SLIT2: variants seen among roughly 807,000 people sequenced by gnomAD.
The protein encoded by SLIT2 is slit guidance ligand 2.
Under a neutral mutation model 185.7 loss-of-function variants are expected in SLIT2, and 41 were observed. The ratio of observed to expected loss-of-function variants is 0.22; its 90% CI spans 0.17 to 0.29. The LOEUF is 0.29. Ranked by LOEUF, SLIT2 falls within the 10% of genes least tolerant of loss-of-function variation. The pLI is 1.00. For missense variants in SLIT2, 1,571 were observed against 1,909.0 expected (o/e 0.82, Z 3.30); for synonymous variants, 693 against 680.2 (o/e 1.02, Z -0.29).
intron 4 of SLIT2, among the ~76,000 whole-genome samples, chr4:20,404,397 T>G (rs141593092): frequency 2.5e-4 from 38 of 152,076 alleles, no homozygotes; most frequent in Admixed American, 6.6e-4. Flanking sequence ...CTGATTCACA[T>G]CTCTGCTCTA....
chr4:20,568,959 G>T lies in SLIT2; in HGVS notation c.3043G>T (p.Asp1015Tyr). The change falls in exon 29 of 37, where the codon GAT (aspartate) becomes TAT (tyrosine). Residue 1015 changes from aspartate (D) to tyrosine (Y), a missense_variant. Around this residue, in one of 3 missense-constraint regions of SLIT2, gnomAD observed 1,202 missense variants for 1,416.4 expected, o/e 0.85. Coordinates refer to ENST00000504154, the MANE Select transcript of SLIT2 (RefSeq NM_004787.4). ...CTGTGAAAATAATTCTACATGTGTC[G>T]ATGGCATTAATAACTACACATGCCT... The part of the protein sequence containing the change: ...NDCENNSTCV[D>Y]GINNYTCLCP... The T allele has an allele frequency of 6.2e-7, 1 of 1,612,290 alleles. No individual in the cohort carries two copies. Among genetic ancestry groups the T allele is most frequent in the Non-Finnish European group, 8.5e-7 (1 of 1,178,682 alleles).
intron 4 of SLIT2, among the ~76,000 whole-genome samples, chr4:20,338,199 A>G (rs1720666029): frequency 1.3e-5 from 2 of 152,098 alleles, no homozygotes; most frequent in Admixed American, 1.3e-4. Flanking sequence ...TCTTATAAGG[A>G]TTTCTCTTCC....
rs1430445550 is a variant in SLIT2, at chr4:20,518,243, A to ATG, written c.1059-1138_1059-1137insGT. Among the ~76,000 whole-genome samples, 799 of 101,898 alleles carry ATG rather than the reference A, an allele frequency of 7.8e-3. 13 individuals are homozygous for ATG. Among genetic ancestry groups the ATG allele is most frequent in the African/African-American group, 0.011 (319 of 28,630 alleles). The allele number at this position is 101,898 out of a possible 152,430, so 66.8% of individuals were successfully genotyped here. On this transcript the variant is annotated intron_variant, in intron 11 of 36. Transcript: ENST00000504154. The stretch of plus-strand genomic sequence containing the variant: ...TATACATATATATGTGTGTGTGTAT[A>ATG]TATATATATATATTTTTTTTTTTTT...
chr4:20,470,003 C>T (rs1714801318), intron 5 of SLIT2, among the ~76,000 whole-genome samples: 5 of 152,010 alleles, frequency 3.3e-5, no homozygotes, highest in African/African-American at 1.2e-4. Context: ...GATCCACCCT[C>T]CTCAGCCTCC....
intron 4 of SLIT2, among the ~76,000 whole-genome samples, chr4:20,461,164 C>G (rs569361807): frequency 6.6e-6 from 1 of 152,104 alleles, no homozygotes; most frequent in Non-Finnish European, 1.5e-5. Context: ...AACTCTCCAT[C>G]TCACGGTGAT....
intron 4 of SLIT2, among the ~76,000 whole-genome samples, chr4:20,334,914 G>T (rs201303426): frequency 1.3e-5 from 2 of 152,146 alleles, no homozygotes; most frequent in East Asian, 3.9e-4. Context: ...CTGAAGTAAG[G>T]CTTTTCATAT....
chr4:20,432,205 C>G (rs961267763), intron 4 of SLIT2, among the ~76,000 whole-genome samples: 4 of 152,128 alleles, frequency 2.6e-5, no homozygotes, highest in Non-Finnish European at 5.9e-5. Context: ...TCCCCATCCC[C>G]TAGGACAAAA....
chr4:20,453,498 G>A (rs1231961317), intron 4 of SLIT2, among the ~76,000 whole-genome samples: 1 of 151,960 alleles, frequency 6.6e-6, no homozygotes, highest in African/African-American at 2.4e-5. Context: ...TATGTGTAAG[G>A]CCCTGTGCTT....
intron 29 of SLIT2, among the ~76,000 whole-genome samples, chr4:20,583,367 C>A (rs1726759494): frequency 6.6e-6 from 1 of 152,088 alleles, no homozygotes; most frequent in Admixed American, 6.6e-5. Flanking sequence ...CTGTAAGTAT[C>A]AGGGAAGAGC....
intron 26 of SLIT2, among the ~76,000 whole-genome samples, chr4:20,565,331 G>A (rs986756961): frequency 2.0e-5 from 3 of 151,888 alleles, no homozygotes; most frequent in Non-Finnish European, 4.4e-5. Flanking sequence ...TCCATCCTAC[G>A]CCTTTGTTCT....
chr4:20,363,074 A>T (rs1722864231), intron 4 of SLIT2, among the ~76,000 whole-genome samples: 1 of 152,140 alleles, frequency 6.6e-6, no homozygotes, highest in African/African-American at 2.4e-5. Flanking sequence ...AACAGTAAAT[A>T]CTAGAACTGG....
At chr4:20,584,634 A>C (rs1410137968) in intron 29 of SLIT2, among the ~76,000 whole-genome samples, 1 of 152,254 alleles carries the variant, frequency 6.6e-6, no homozygotes, top group East Asian at 1.9e-4. Flanking sequence ...CTGAAAAATC[A>C]TTCCCATTTA....
At chr4:20,407,508 A>G (rs1177665418) in intron 4 of SLIT2, among the ~76,000 whole-genome samples, 1 of 152,168 alleles carries the variant, frequency 6.6e-6, no homozygotes, top group Non-Finnish European at 1.5e-5. Flanking sequence ...TGGCCCTGCC[A>G]TCTCTTCGAC....
At position 20,381,258 on chromosome 4, in the gene SLIT2, TA is replaced by T. The variant is rs201302554; in HGVS notation, c.396-86485del. On this transcript the variant is annotated intron_variant, in intron 4 of 36. Coordinates refer to ENST00000504154, the MANE Select transcript of SLIT2 (RefSeq NM_004787.4). ...ACAGGTGAAACTCCATCTCAAAAAA[TA>T]AAAAAAAACAAATAAAATTGCTGAA... Among the ~76,000 whole-genome samples the T allele has an allele frequency of 5.8e-4, 87 of 149,258 alleles. No homozygotes were observed. The South Asian group carries it at 0.015, about 25-fold the overall frequency.
At chr4:20,540,529 A>G (rs1722715054) in intron 19 of SLIT2, among the ~76,000 whole-genome samples, 1 of 152,130 alleles carries the variant, frequency 6.6e-6, no homozygotes, top group African/African-American at 2.4e-5. Context: ...TAAAAGTAAA[A>G]AAAGCCACAC....
chr4:20,552,736 A>C (rs1723882763), intron 25 of SLIT2: 1 of 152,210 alleles, frequency 6.6e-6, no homozygotes, highest in Admixed American at 6.5e-5. Context: ...CTACCTAAAA[A>C]AAATAAGATA....
chr4:20,401,535 C>T (rs892019420), intron 4 of SLIT2, among the ~76,000 whole-genome samples: 1 of 151,824 alleles, frequency 6.6e-6, no homozygotes, highest in Non-Finnish European at 1.5e-5. Flanking sequence ...ACCCCTTCAT[C>T]CAGCAAATCT....
intron 4 of SLIT2, among the ~76,000 whole-genome samples, chr4:20,449,548 A>G (rs1712231362): frequency 6.6e-6 from 1 of 152,024 alleles, no homozygotes; most frequent in African/African-American, 2.4e-5. Flanking sequence ...AGCTGGGATT[A>G]CAGGCACACA....
chr4:20,327,498 C>T (rs538396986), intron 4 of SLIT2, among the ~76,000 whole-genome samples: 3 of 152,036 alleles, frequency 2.0e-5, no homozygotes, highest in Admixed American at 2.0e-4. Flanking sequence ...ACCTGCAAGA[C>T]TGGAAATGAC....
Sources: gnomAD v4.1 joint callset for allele counts (sites outside exome capture counted in the v4.1 genomes callset) on GRCh38, gnomAD v4.1.1 for gene constraint, gnomAD v4.1.1 regional missense constraint, MANE v1.5 for transcripts, NCBI Gene and HGNC (gene_info 2026-07-23, HGNC 2026-07-21) for gene names.